The following NFIL3 variants were observed in gnomAD, a reference collection of about 807,000 sequenced individuals.
NFIL3 encodes nuclear factor, interleukin 3 regulated.
Under a neutral mutation model 10.0 loss-of-function variants are expected in NFIL3, and 5 were observed. That is an observed-to-expected ratio of 0.50 (90% CI 0.26 to 1.06). The LOEUF (loss-of-function observed/expected upper bound fraction) is 1.06. NFIL3 is among the 50% of genes least tolerant of loss of function. NFIL3 has a pLI of 0.13. For missense variants in NFIL3, 436 were observed against 547.6 expected, an observed-to-expected ratio of 0.80 and a Z score of 2.03; for synonymous variants, 202 against 206.5, an observed-to-expected ratio of 0.98 and a Z score of 0.19.
intron 1 of NFIL3, among the ~76,000 whole-genome samples, chr9:91,417,289 G>GA (rs896759724): frequency 4.7e-5 from 7 of 150,138 alleles, no homozygotes; most frequent in Middle Eastern, 3.4e-3. Context: ...AACAGTAAAG[G>GA]AAAAAAAAAT....
the NFIL3 span, among the ~76,000 whole-genome samples, chr9:91,440,276 G>A: frequency 1.3e-5 from 2 of 152,148 alleles, no homozygotes; most frequent in African/African-American, 4.8e-5. Context: ...CAACTCTTAA[G>A]TCATCCAATT....
upstream of NFIL3, among the ~76,000 whole-genome samples, chr9:91,427,485 G>A (rs35280427): frequency 3.6e-3 from 552 of 152,252 alleles, 5 homozygotes; most frequent in African/African-American, 0.013. Flanking sequence ...TCTGGTGGCC[G>A]GCAGCCTGCA....
chr9:91,456,455 T>C, the NFIL3 span, among the ~76,000 whole-genome samples: 2 of 152,268 alleles, frequency 1.3e-5, no homozygotes, highest in South Asian at 4.1e-4. Flanking sequence ...CTTATTGAAG[T>C]CTTTATTTGA....
chr9:91,461,172 G>C, the NFIL3 span, among the ~76,000 whole-genome samples: 1 of 152,166 alleles, frequency 6.6e-6, no homozygotes, highest in Non-Finnish European at 1.5e-5. Context: ...TGTTTGTAGA[G>C]CCAACCAACC....
the NFIL3 span, among the ~76,000 whole-genome samples, chr9:91,431,446 T>A: frequency 6.6e-6 from 1 of 152,182 alleles, no homozygotes. Context: ...GCACACACCG[T>A]CTTGGGCGCA....
At chr9:91,428,341 T>C (rs1269489330), upstream of NFIL3, among the ~76,000 whole-genome samples, 1 of 152,214 alleles carries the variant, frequency 6.6e-6, no homozygotes, top group Non-Finnish European at 1.5e-5. Context: ...AAACATCCAC[T>C]TTTCTCTTTG....
chr9:91,460,080 G>A, the NFIL3 span, among the ~76,000 whole-genome samples: 1 of 144,626 alleles, frequency 6.9e-6, no homozygotes, highest in Non-Finnish European at 1.5e-5. Context: ...CTTCTCCCCA[G>A]CAACCTCTCT....
At chr9:91,463,407 A>G in the NFIL3 span, among the ~76,000 whole-genome samples, 1 of 151,264 alleles carries the variant, frequency 6.6e-6, no homozygotes, top group Non-Finnish European at 1.5e-5. Flanking sequence ...TTCATTATTT[A>G]TTATTTTATT....
At chr9:91,466,878 A>T in the NFIL3 span, among the ~76,000 whole-genome samples, 2 of 152,302 alleles carry the variant, frequency 1.3e-5, no homozygotes, top group South Asian at 4.1e-4. Flanking sequence ...TCTCCTAGAT[A>T]TTTCTCTGAA....
the NFIL3 span, among the ~76,000 whole-genome samples, chr9:91,448,329 CAT>C: frequency 6.6e-6 from 1 of 152,170 alleles, no homozygotes; most frequent in Non-Finnish European, 1.5e-5. Context: ...ATGAGGACTT[CAT>C]ACTGCTTCCA....
At chr9:91,418,397 A>G (rs1833698701) in intron 1 of NFIL3, among the ~76,000 whole-genome samples, 1 of 152,248 alleles carries the variant, frequency 6.6e-6, no homozygotes, top group African/African-American at 2.4e-5. Flanking sequence ...TCCCCAATGA[A>G]TAAGTAATAC....
chr9:91,424,850 T>A (rs1833852035), upstream of NFIL3, among the ~76,000 whole-genome samples: 1 of 152,240 alleles, frequency 6.6e-6, no homozygotes. Context: ...AGCTGCTTAG[T>A]GTTATTTCTG....
At chr9:91,477,865 CAT>C in the NFIL3 span, among the ~76,000 whole-genome samples, 4 of 151,942 alleles carry the variant, frequency 2.6e-5, no homozygotes, top group Admixed American at 6.6e-5. Context: ...TTCTGGGACA[CAT>C]GTGCTGAATG....
chr9:91,434,206 G>A, the NFIL3 span, among the ~76,000 whole-genome samples: 2 of 152,160 alleles, frequency 1.3e-5, no homozygotes, highest in Non-Finnish European at 2.9e-5. Flanking sequence ...CTGGAGACCA[G>A]GAGATTGAGA....
At chr9:91,478,623 C>T in the NFIL3 span, among the ~76,000 whole-genome samples, 1 of 152,168 alleles carries the variant, frequency 6.6e-6, no homozygotes, top group South Asian at 2.1e-4. Flanking sequence ...TTATTACCCA[C>T]CTTCTGAAGC....
At chr9:91,421,655 T>C (rs1587968322) in intron 1 of NFIL3, among the ~76,000 whole-genome samples, 1 of 151,728 alleles carries the variant, frequency 6.6e-6, no homozygotes, top group African/African-American at 2.4e-5. Flanking sequence ...GATCGGAAGG[T>C]GGCGCCACGC....
the NFIL3 span, among the ~76,000 whole-genome samples, chr9:91,459,770 G>A: frequency 6.6e-6 from 1 of 152,036 alleles, no homozygotes. Context: ...TCCTTGATGC[G>A]GGTACTGATT....
At chr9:91,468,307 A>G in the NFIL3 span, among the ~76,000 whole-genome samples, 1 of 152,256 alleles carries the variant, frequency 6.6e-6, no homozygotes, top group African/African-American at 2.4e-5. Context: ...GCATTTTTTC[A>G]TGCGTCTTTT....
chr9:91,450,488 A>T, the NFIL3 span, among the ~76,000 whole-genome samples: 1 of 152,172 alleles, frequency 6.6e-6, no homozygotes, highest in Non-Finnish European at 1.5e-5. Flanking sequence ...TGCATTGCTT[A>T]ATTTCCATAT....
Sources: gnomAD v4.1 joint callset for allele counts (sites outside exome capture counted in the v4.1 genomes callset) on GRCh38, gnomAD v4.1.1 for gene constraint, MANE v1.5 for transcripts, NCBI Gene and HGNC (gene_info 2026-07-23, HGNC 2026-07-21) for gene names.